Variants in HYDIN observed in about 807,000 individuals in gnomAD.
HYDIN encodes the protein HYDIN axonemal central pair apparatus protein, also known as axonemal central pair apparatus protein HYDIN.
A neutral mutation model predicts 403.9 loss-of-function variants in HYDIN; 132 were observed. That is an observed-to-expected ratio of 0.33 (90% CI 0.28 to 0.38). The LOEUF is 0.38. Ranked by LOEUF, HYDIN falls within the 10% of genes least tolerant of loss-of-function variation. HYDIN has a pLI of 1.00. For missense variants in HYDIN, 2,827 were observed against 5,009.5 expected, an observed-to-expected ratio of 0.56 and a Z score of 13.15; for synonymous variants, 1,202 against 1,891.7, an observed-to-expected ratio of 0.64 and a Z score of 9.46.
chr16:71,217,339 T>C (rs940648588), intron 1 of HYDIN, among the ~76,000 whole-genome samples: 1 of 152,178 alleles, frequency 6.6e-6, no homozygotes, highest in Middle Eastern at 3.2e-3. Context: ...TGGACCTTTC[T>C]CCAGAATGAG....
chr16:70,972,790 G>A (rs1036805058), intron 35 of HYDIN, among the ~76,000 whole-genome samples: 4 of 152,182 alleles, frequency 2.6e-5, no homozygotes, highest in Admixed American at 6.5e-5. Context: ...CCCTCAGCAG[G>A]GTCTGGGGCA....
At chr16:70,839,851 C>G (rs2037691969) in intron 76 of HYDIN, among the ~76,000 whole-genome samples, 2 of 144,204 alleles carry the variant, frequency 1.4e-5, no homozygotes, top group Non-Finnish European at 3.0e-5. Context: ...CTACATACTT[C>G]ACAAAGAGGA....
chr16:70,978,767 C>T, intron 30 of HYDIN, 147 bp downstream of exon 30: 5 of 815,006 alleles, frequency 6.1e-6, no homozygotes, highest in Non-Finnish European at 9.3e-6. Context: ...GAGACCATGT[C>T]CTTGCCCCTG....
intron 10 of HYDIN, among the ~76,000 whole-genome samples, chr16:71,110,878 ACT>A (rs2083805593): frequency 9.9e-6 from 1 of 100,666 alleles, no homozygotes; most frequent in Non-Finnish European, 2.0e-5. Context: ...GCACTCTTAT[ACT>A]CTCCCCCCAG....
chr16:70,818,291 G>A (rs1388829500), intron 84 of HYDIN, 51 bp downstream of exon 84: 1 of 1,217,678 alleles, frequency 8.2e-7, no homozygotes, highest in Non-Finnish European at 1.2e-6. Flanking sequence ...CTCATGGGTG[G>A]AAGCCACTCT....
intron 46 of HYDIN, among the ~76,000 whole-genome samples, chr16:70,919,256 G>T (rs577384089): frequency 1.2e-4 from 19 of 152,310 alleles, no homozygotes; most frequent in African/African-American, 4.3e-4. Flanking sequence ...TCTAACCTAT[G>T]ATTTGGAAGG....
intron 10 of HYDIN, among the ~76,000 whole-genome samples, chr16:71,102,021 T>C (rs2083469305): frequency 2.6e-5 from 4 of 152,278 alleles, no homozygotes; most frequent in Admixed American, 2.0e-4. Flanking sequence ...GTCTCATGCA[T>C]GACATGAGTG....
Position 71,093,774 on chromosome 16 carries a change from C to T in HYDIN, c.1446+43G>A, listed in dbSNP as rs368678057. ...TATAAGATAAAACAAACCCCAAAAG[C>T]CAAGTACTGTTTGAAGTATCAACGA... On this transcript the variant is annotated intron_variant, in intron 11 of 85. Coordinates refer to ENST00000393567, the MANE Select transcript of HYDIN (RefSeq NM_001270974.2). 4.4e-6 allele frequency: 7 copies of T among 1,597,488 alleles called. No homozygotes were observed. The African/African-American group carries it at 5.4e-5, about 12-fold the overall frequency.
chr16:71,020,251 C>T lies in HYDIN; in HGVS notation c.3253G>A (p.Val1085Met), dbSNP rs762955663. The T allele has an allele frequency of 9.9e-6, 16 of 1,613,872 alleles. No homozygotes were observed. The highest frequency in any genetic ancestry group is 6.7e-5 in the East Asian group (3 of 44,860). The stretch of plus-strand genomic sequence containing the variant: ...CCAGATGTTGACAGCAACAAGTTCA[C>T]GGGCAGGGTGGAAATGTTCTTTATG... ...LAIKNISTLP[V>M]NLLLSTSGPF... Residue 1085 changes from valine (V) to methionine (M), a missense_variant, in exon 22 of 86, where the codon GTG (valine) becomes ATG (methionine). Transcript: ENST00000393567.
intron 73 of HYDIN, among the ~76,000 whole-genome samples, chr16:70,853,049 T>C (rs899877838): frequency 2.2e-4 from 33 of 148,706 alleles, no homozygotes; most frequent in African/African-American, 7.7e-4. Flanking sequence ...GGCATAGTGG[T>C]GCGTGCCTGT....
intron 18 of HYDIN, among the ~76,000 whole-genome samples, chr16:71,046,511 G>C (rs1194042521): frequency 1.3e-5 from 2 of 151,446 alleles, no homozygotes; most frequent in South Asian, 4.2e-4. Context: ...TCCTTCCAAA[G>C]CACAAAACTT....
At chr16:70,933,470 G>A (rs543242676) in intron 45 of HYDIN, 142 of 149,320 alleles carry the variant, frequency 9.5e-4, no homozygotes, top group Middle Eastern at 3.4e-3. Context: ...AAGGGCTTGG[G>A]AGGCAGTGCA....
At chr16:70,958,169 A>T (rs2078300107) in intron 39 of HYDIN, among the ~76,000 whole-genome samples, 1 of 152,242 alleles carries the variant, frequency 6.6e-6, no homozygotes, top group Non-Finnish European at 1.5e-5. Flanking sequence ...ATCCTTAATT[A>T]TATGGATTAT....
At chr16:70,835,901 T>C (rs2037392323) in intron 77 of HYDIN, 67 bp from the exon 78 acceptor site, 4 of 628,082 alleles carry the variant, frequency 6.4e-6, no homozygotes, top group Non-Finnish European at 1.1e-5. Flanking sequence ...ATTATATGTC[T>C]ACTCTGGTGA....
At chr16:71,027,293 T>C (rs2080741488) in intron 20 of HYDIN, 4 of 1,280,978 alleles carry the variant, frequency 3.1e-6, no homozygotes, top group Middle Eastern at 3.2e-4. Flanking sequence ...TAAGTGTTAA[T>C]AGGAGAATTT....
At chr16:70,863,858 C>T (rs8062300) in intron 67 of HYDIN, among the ~76,000 whole-genome samples, 29 of 148,602 alleles carry the variant, frequency 2.0e-4, no homozygotes, top group African/African-American at 7.3e-4. Flanking sequence ...GGCCACAGAG[C>T]GAGACTCTGT....
intron 10 of HYDIN, 139 bp downstream of exon 10, chr16:71,115,557 T>C (rs1390751673): frequency 1.8e-6 from 1 of 544,754 alleles, no homozygotes; most frequent in Non-Finnish European, 3.3e-6. Context: ...ATAATTCCCC[T>C]AATCAATATA....
At chr16:70,985,490 G>A (rs1207768016) in intron 27 of HYDIN, among the ~76,000 whole-genome samples, 168 bp from the exon 28 acceptor site, 2 of 152,170 alleles carry the variant, frequency 1.3e-5, no homozygotes, top group Non-Finnish European at 2.9e-5. Flanking sequence ...CTAGACTCTG[G>A]AAACCTGGCT....
intron 1 of HYDIN, among the ~76,000 whole-genome samples, chr16:71,219,600 C>G (rs1404419052): frequency 6.6e-6 from 1 of 152,166 alleles, no homozygotes; most frequent in Non-Finnish European, 1.5e-5. Flanking sequence ...TAAAAGTCCA[C>G]TTTTCCTCCA....
Sources: gnomAD v4.1 joint callset for allele counts (sites outside exome capture counted in the v4.1 genomes callset) on GRCh38, gnomAD v4.1.1 for gene constraint, MANE v1.5 for transcripts, NCBI Gene and HGNC (gene_info 2026-07-23, HGNC 2026-07-21) for gene names.